ARHGAP15: variants seen among roughly 807,000 people sequenced by gnomAD.
ARHGAP15 encodes Rho GTPase activating protein 15.
Under a neutral mutation model 63.7 loss-of-function variants are expected in ARHGAP15, and 51 were observed. The ratio of observed to expected loss-of-function variants is 0.80; its 90% CI spans 0.64 to 1.01. The LOEUF (loss-of-function observed/expected upper bound fraction) is 1.01. Among genes scored for constraint, ARHGAP15 ranks in the 50% least tolerant of loss-of-function variants. The pLI, the probability that ARHGAP15 is intolerant of heterozygous loss-of-function variation, is 0.00. For synonymous variants in ARHGAP15, 191 were observed against 193.8 expected (o/e 0.99, Z 0.12); for missense variants, 560 against 564.6 (o/e 0.99, Z 0.08).
rs372450277 is a variant in ARHGAP15, at chr2:143,768,002, G to A, written c.1258G>A (p.Ala420Thr). The A allele has an allele frequency of 6.2e-7, 1 of 1,613,212 alleles. No homozygotes were observed. The highest frequency in any genetic ancestry group is 8.5e-7 in the Non-Finnish European group (1 of 1,179,610). ...CTCTCTCCACAGGATAGTGGCCAAA[G>A]CCTCCAAGAACCTCATGTCCACGCA... is the stretch of plus-strand genomic sequence containing the variant. ...FGHLTKIVAK[A>T]SKNLMSTQSL... Residue 420 changes from alanine to threonine, a missense_variant, in exon 14 of 14, where the codon GCC (alanine) becomes ACC (threonine). Ala to Thr is a moderately conservative substitution (Grantham distance 58). Transcript: ENST00000295095.
Position 143,544,546 on chromosome 2 carries a change from CAG to C in ARHGAP15, c.926-11860_926-11859del, listed in dbSNP as rs537011230. ...GGAAATATGTAAAACGATTTAAAAA[CAG>C]AATCATTTTTATAATCCACCTCACA... is the stretch of plus-strand genomic sequence containing the variant. On this transcript the variant is annotated intron_variant, in intron 10 of 13. Transcript: ENST00000295095. 7.7e-3 allele frequency among the ~76,000 whole-genome samples: 1,171 copies of C among 152,100 alleles called. 9 individuals carry two copies. The highest frequency in any genetic ancestry group is 0.012 in the Admixed American group (177 of 15,282).
At chr2:143,514,847 G>T (rs755638841) in intron 9 of ARHGAP15, among the ~76,000 whole-genome samples, 9 of 152,166 alleles carry the variant, frequency 5.9e-5, no homozygotes, top group Non-Finnish European at 1.2e-4. Flanking sequence ...CAATAGCAGA[G>T]AAACAAGAGG....
At chr2:143,219,558 T>A (rs928426347) in intron 4 of ARHGAP15, among the ~76,000 whole-genome samples, 3 of 152,202 alleles carry the variant, frequency 2.0e-5, no homozygotes, top group African/African-American at 7.2e-5. Flanking sequence ...TGTTAGGAAT[T>A]TTCTCAGGGG....
intron 6 of ARHGAP15, among the ~76,000 whole-genome samples, chr2:143,381,759 A>G (rs1312770168): frequency 1.3e-5 from 2 of 152,018 alleles, no homozygotes; most frequent in Non-Finnish European, 2.9e-5. Flanking sequence ...TCAATGCAGC[A>G]CCTCACAAAG....
chr2:143,753,392 A>G (rs1019824062), intron 13 of ARHGAP15, among the ~76,000 whole-genome samples: 15 of 152,204 alleles, frequency 9.9e-5, no homozygotes, highest in African/African-American at 3.6e-4. Context: ...GCCTTCTGTT[A>G]TAAAGCTTAA....
chr2:143,461,235 G>A (rs1158092697), intron 8 of ARHGAP15, among the ~76,000 whole-genome samples: 3 of 116,556 alleles, frequency 2.6e-5, no homozygotes, highest in South Asian at 2.9e-4. Context: ...AGTTGCAGTC[G>A]CACCACTGCA....
intron 13 of ARHGAP15, among the ~76,000 whole-genome samples, chr2:143,713,215 C>CTT (rs1684662810): frequency 6.6e-6 from 1 of 152,084 alleles, no homozygotes; most frequent in Non-Finnish European, 1.5e-5. Context: ...ACCTCAGAAT[C>CTT]ATGGCGGGAG....
chr2:143,650,170 T>C (rs1681091217), intron 12 of ARHGAP15, among the ~76,000 whole-genome samples: 1 of 151,868 alleles, frequency 6.6e-6, no homozygotes, highest in Non-Finnish European at 1.5e-5. Context: ...AGATAGATGC[T>C]GGGACTATGC....
At position 143,487,458 on chromosome 2, in the gene ARHGAP15, T is replaced by C. The variant is rs746886102; in HGVS notation, c.789T>C (p.Pro263=). 11 of 1,613,578 alleles carry C rather than the reference T, an allele frequency of 6.8e-6. No individual in the cohort carries two copies. The South Asian group carries it at 1.2e-4, about 18-fold the overall frequency. ...TAAAGAAGTTTATTACCCGAAGACC[T>C]TCCCTGAAAACTCTGCAAGAAAAAG... The part of the protein sequence containing the change: ...SRLKKFITRR[P]SLKTLQEKGL... The change falls in exon 9 of 14, where the codon CCT becomes CCC. Residue 263 remains proline, a synonymous_variant. Coordinates refer to ENST00000295095, the MANE Select transcript of ARHGAP15 (RefSeq NM_018460.4).
intron 6 of ARHGAP15, chr2:143,435,206 T>G (rs1689555991): frequency 1.0e-6 from 1 of 970,254 alleles, no homozygotes; most frequent in Non-Finnish European, 1.2e-6. Flanking sequence ...CTATTAGATT[T>G]GAAAAAGACA....
chr2:143,236,453 A>G (rs1210707070), intron 5 of ARHGAP15: 1 of 152,350 alleles, frequency 6.6e-6, no homozygotes, highest in South Asian at 2.1e-4. Context: ...TGTTTAAGTC[A>G]CTACGATAGG....
At chr2:143,648,537 C>G (rs1681005152) in intron 12 of ARHGAP15, among the ~76,000 whole-genome samples, 1 of 152,020 alleles carries the variant, frequency 6.6e-6, no homozygotes, top group South Asian at 2.1e-4. Context: ...AAGTCCTTGA[C>G]TGTTCATGTC....
At chr2:143,244,033 G>A (rs892993825) in intron 5 of ARHGAP15, among the ~76,000 whole-genome samples, 2 of 152,038 alleles carry the variant, frequency 1.3e-5, no homozygotes, top group African/African-American at 4.8e-5. Context: ...GGTATAAAAT[G>A]GAAATATTAT....
intron 6 of ARHGAP15, among the ~76,000 whole-genome samples, chr2:143,321,278 A>G (rs1684008045): frequency 6.6e-6 from 1 of 152,256 alleles, no homozygotes; most frequent in Non-Finnish European, 1.5e-5. Context: ...CATGGAAAGT[A>G]TAGGACCTTT....
intron 2 of ARHGAP15, among the ~76,000 whole-genome samples, chr2:143,165,759 A>G (rs77243363): frequency 0.022 from 3,270 of 152,008 alleles, 109 homozygotes; most frequent in African/African-American, 0.074. Flanking sequence ...TACATCACAC[A>G]CTGTGGTCTT....
chr2:143,257,103 A>G (rs754276940), intron 6 of ARHGAP15, among the ~76,000 whole-genome samples: 29 of 152,284 alleles, frequency 1.9e-4, no homozygotes, highest in Non-Finnish European at 3.2e-4. Flanking sequence ...TCGTTAGGGA[A>G]AACAACACGA....
intron 13 of ARHGAP15, among the ~76,000 whole-genome samples, chr2:143,726,825 T>G (rs562852372): frequency 1.3e-4 from 20 of 152,322 alleles, no homozygotes; most frequent in East Asian, 9.6e-4. Context: ...ATTATGTCAC[T>G]ATTTTTTTCC....
chr2:143,413,037 T>C (rs2105027485), intron 6 of ARHGAP15, among the ~76,000 whole-genome samples: 1 of 152,318 alleles, frequency 6.6e-6, no homozygotes, highest in East Asian at 1.9e-4. Context: ...GAAAATATTG[T>C]ATCTATATCT....
intron 6 of ARHGAP15, among the ~76,000 whole-genome samples, chr2:143,264,137 C>G (rs1680879361): frequency 6.6e-6 from 1 of 151,592 alleles, no homozygotes; most frequent in South Asian, 2.1e-4. Context: ...CCCTCTAGAC[C>G]TGTTTAGGCC....
Sources: allele counts gnomAD v4.1 joint callset (sites outside exome capture counted in the v4.1 genomes callset), GRCh38; gene constraint gnomAD v4.1.1; transcripts MANE v1.5; gene names NCBI Gene and HGNC (gene_info 2026-07-23, HGNC 2026-07-21).